Variants in KCNA1 observed in about 807,000 individuals in gnomAD.
KCNA1 encodes the protein potassium channel, voltage gated shaker related subfamily A, member 1.
KCNA1 carries 19 observed loss-of-function variants against 28.8 expected under a neutral mutation model. That is an observed-to-expected ratio of 0.66 (90% CI 0.46 to 0.97). The LOEUF is 0.97. KCNA1 is among the 50% of genes least tolerant of loss of function. The pLI is 0.00. For missense variants in KCNA1, 419 were observed against 659.7 expected, an observed-to-expected ratio of 0.64 and a Z score of 4.00; for synonymous variants, 311 against 268.8, an observed-to-expected ratio of 1.16 and a Z score of -1.53.
Position 4,914,187 on chromosome 12 carries a change from A to G in KCNA1, c.*1321A>G. The G allele has an allele frequency of 6.0e-6, 1 of 167,188 alleles. No homozygotes were observed. The allele number at this position is 167,188 out of a possible 1,614,324, so 10.4% of individuals were successfully genotyped here. On this transcript the variant is annotated 3_prime_UTR_variant, in exon 2 of 2. Coordinates refer to ENST00000382545, the MANE Select transcript of KCNA1 (RefSeq NM_000217.3). ...TGCAGGTATAGGCGGAGAGAGGACC[A>G]ATATGCCCATCCCTTAAAGGGAAGC...
In KCNA1 at chr12:4,911,949, G is replaced by C; in HGVS notation, c.571G>C (p.Glu191Gln). 3 of 1,613,970 alleles carry C rather than the reference G, an allele frequency of 1.9e-6. No individual in the cohort carries two copies. The highest frequency in any genetic ancestry group is 2.5e-6 in the Non-Finnish European group (3 of 1,179,990). Residue 191 changes from glutamate (E) to glutamine (Q), a missense_variant, in exon 2 of 2, where the codon GAG becomes CAG. By Grantham distance (29) the Glu-to-Gln change is conservative. Around this residue, in one of 4 missense-constraint regions of KCNA1, gnomAD observed 217 missense variants for 329.6 expected, o/e 0.66. Coordinates refer to ENST00000382545, the MANE Select transcript of KCNA1 (RefSeq NM_000217.3). The surrounding 1 kb of genome is among the most constrained non-coding windows in gnomAD (Gnocchi z 6.6). ...CATCTTTTGCCTGGAGACGCTCCCC[G>C]AGCTGAAGGATGACAAGGACTTCAC... ...IVIFCLETLP[E>Q]LKDDKDFTGT...
At position 4,916,782 on chromosome 12, in the gene KCNA1, A is replaced by G. The variant is rs561340259; in HGVS notation, c.*3916A>G. The G allele has an allele frequency of 6.0e-6, 1 of 167,158 alleles. No homozygotes were observed. The highest frequency in any genetic ancestry group is 2.4e-5 in the African/African-American group (1 of 41,568). The allele number at this position is 167,158 out of a possible 1,614,324, so 10.4% of individuals were successfully genotyped here. ...ATTTGCTTGAGAATTAAAAAAATAC[A>G]TGTAAATGGTAAATGAGGAATACAT... is the stretch of plus-strand genomic sequence containing the variant. On this transcript the variant is annotated 3_prime_UTR_variant, in exon 2 of 2. Transcript: ENST00000382545.
Position 4,912,648 on chromosome 12 carries a change from C to T in KCNA1, c.1270C>T (p.Gln424Ter). The stretch of plus-strand genomic sequence containing the variant: ...CCACCGAGAAACTGAGGGGGAAGAG[C>T]AGGCTCAGTTGCTCCACGTCAGTTC... ...FYHRETEGEE[Q>*]AQLLHVSSPN... Residue 424 changes from glutamine (Q) to a stop codon, truncating the protein, a stop_gained, in exon 2 of 2, where the codon CAG becomes TAG. Coordinates refer to ENST00000382545, the MANE Select transcript of KCNA1 (RefSeq NM_000217.3). LOFTEE classifies it high-confidence loss of function. The T allele has an allele frequency of 6.2e-7, 1 of 1,613,182 alleles. No homozygotes were observed. The highest frequency in any genetic ancestry group is 8.5e-7 in the Non-Finnish European group (1 of 1,179,974).
rs765825652 is a variant in KCNA1 at position 4,912,161 on chromosome 12, C to T, written c.783C>T (p.Ala261=). 4 of 1,613,642 alleles carry T rather than the reference C, an allele frequency of 2.5e-6. No homozygotes were observed. In the Admixed American group the frequency reaches 6.7e-5, roughly 27 times the overall value. ...KNIMNFIDIV[A]IIPYFITLGT... ...TCATGAACTTCATAGACATTGTGGC[C>T]ATCATTCCTTATTTCATCACGCTGG... Residue 261 remains alanine, a synonymous_variant, in exon 2 of 2, where the codon GCC becomes GCT. Transcript: ENST00000382545.
chr12:4,912,022 A>G lies in KCNA1; in HGVS notation c.644A>G (p.Asn215Ser), dbSNP rs762016621. 3 of 1,614,104 alleles carry G rather than the reference A, an allele frequency of 1.9e-6. No individual in the cohort carries two copies. Among genetic ancestry groups the G allele is most frequent in the South Asian group, 1.1e-5 (1 of 91,062 alleles). ...IDNTTVIYNS[N>S]IFTDPFFIVE... ...AACACCACGGTCATCTACAATTCCA[A>G]CATCTTCACAGACCCCTTCTTCATC... The change falls in exon 2 of 2, where the codon AAC becomes AGC. Residue 215 changes from asparagine to serine, a missense_variant. Asn to Ser is a conservative substitution (Grantham distance 46). This residue lies in a region of KCNA1 where 217 missense variants were observed against 329.6 expected (regional missense o/e 0.66). Coordinates refer to ENST00000382545, the MANE Select transcript of KCNA1 (RefSeq NM_000217.3).
chr12:4,913,271 T>G lies in KCNA1; in HGVS notation c.*405T>G. 1 of 277,226 alleles carries G rather than the reference T, an allele frequency of 3.6e-6. No homozygotes were observed. Among genetic ancestry groups the G allele is most frequent in the Non-Finnish European group, 7.4e-6 (1 of 135,682 alleles). The allele number at this position is 277,226 out of a possible 1,614,324, so 17.2% of individuals were successfully genotyped here. On this transcript the variant is annotated 3_prime_UTR_variant, in exon 2 of 2. Coordinates refer to ENST00000382545, the MANE Select transcript of KCNA1 (RefSeq NM_000217.3). ...TCACTTAGAAATATGAAATTGAAATTCGCATGGGACTCCAGTAAAACATCT... is the reference window on the plus strand; with the variant it reads ...TCACTTAGAAATATGAAATTGAAATGCGCATGGGACTCCAGTAAAACATCT...
chr12:4,910,641 T>C lies in KCNA1; in HGVS notation c.-540+169T>C, dbSNP rs1947344151. ...TTGTAAACAGATCGGCTGTTGGGCA[T>C]TGGGGAAAGTGGGATGGAAGAGCCC... On this transcript the variant is annotated intron_variant, in intron 1 of 1. Transcript: ENST00000382545. The surrounding 1 kb of genome is among the most constrained non-coding windows in gnomAD (Gnocchi z 4.9). Among the ~76,000 whole-genome samples the C allele has an allele frequency of 6.6e-6, 1 of 152,134 alleles. No individual in the cohort carries two copies. Among genetic ancestry groups the C allele is most frequent in the South Asian group, 2.1e-4 (1 of 4,828 alleles).
At position 4,909,928 on chromosome 12, in the gene KCNA1, CG is replaced by C. The variant is rs1277167184; in HGVS notation, c.-1083del. ...CCAGAAATGGACCGAGCGGACCCGC[CG>C]CCGCACGCACCCTGCTCCACTCCAA... On this transcript the variant is annotated 5_prime_UTR_variant, in exon 1 of 2. It removes the in-frame stop codon of an upstream open reading frame in the 5' UTR. Coordinates refer to ENST00000382545, the MANE Select transcript of KCNA1 (RefSeq NM_000217.3). 6.5e-6 allele frequency: 1 copy of C among 152,788 alleles called. No individual in the cohort carries two copies. Among genetic ancestry groups the C allele is most frequent in the Admixed American group, 6.5e-5 (1 of 15,294 alleles). The allele number at this position is 152,788 out of a possible 1,614,324, so 9.5% of individuals were successfully genotyped here.
At position 4,911,250 on chromosome 12, in the gene KCNA1, T is replaced by G; in HGVS notation, c.-129T>G. The G allele has an allele frequency of 1.5e-6, 1 of 673,990 alleles. No homozygotes were observed. Among genetic ancestry groups the G allele is most frequent in the Non-Finnish European group, 2.5e-6 (1 of 396,418 alleles). The allele number at this position is 673,990 out of a possible 1,614,324, so 41.8% of individuals were successfully genotyped here. On this transcript the variant is annotated 5_prime_UTR_variant, in exon 2 of 2. Coordinates refer to ENST00000382545, the MANE Select transcript of KCNA1 (RefSeq NM_000217.3). This position sits in a 1 kb window ranked among gnomAD's most constrained non-coding sequence, Gnocchi z 6.6. ...CCCGACCTGCTCGTGTTGAAGCACC[T>G]CCCCCTGGGCGTGAGGGAGACGCGC...
At position 4,915,600 on chromosome 12, in the gene KCNA1, G is replaced by A. The variant is rs115244229; in HGVS notation, c.*2734G>A. ...CCCTCCCATGTGATGTCTCCTTCTCGTCTGAACCTTAACTCATTCTGGCGA... is the reference window on the plus strand; with the variant it reads ...CCCTCCCATGTGATGTCTCCTTCTCATCTGAACCTTAACTCATTCTGGCGA... On this transcript the variant is annotated 3_prime_UTR_variant, in exon 2 of 2. Coordinates refer to ENST00000382545, the MANE Select transcript of KCNA1 (RefSeq NM_000217.3). The A allele has an allele frequency of 1.4e-3, 239 of 167,158 alleles. No individual in the cohort carries two copies. The highest frequency in any genetic ancestry group is 5.1e-3 in the African/African-American group (211 of 41,542). The allele number at this position is 167,158 out of a possible 1,614,324, so 10.4% of individuals were successfully genotyped here. A position where few individuals can be genotyped will look rare whatever the true frequency, so the allele number is the denominator to read the frequency against.
At position 4,909,935 on chromosome 12, in the gene KCNA1, C is replaced by A. The variant is rs1286989078; in HGVS notation, c.-1077C>A. 6.5e-6 allele frequency: 1 copy of A among 152,794 alleles called. No homozygotes were observed. The highest frequency in any genetic ancestry group is 2.1e-4 in the South Asian group (1 of 4,840). 9.5% of individuals were successfully genotyped at this position (152,794 alleles called of 1,614,324 possible). A position where few individuals can be genotyped will look rare whatever the true frequency, so the allele number is the denominator to read the frequency against. Reference sequence around the variant, plus strand: ...TGGACCGAGCGGACCCGCCGCCGCACGCACCCTGCTCCACTCCAAGCTCCT... The same window carrying A: ...TGGACCGAGCGGACCCGCCGCCGCAAGCACCCTGCTCCACTCCAAGCTCCT... On this transcript the variant is annotated 5_prime_UTR_variant, in exon 1 of 2. Transcript: ENST00000382545.
chr12:4,911,104 C>T lies in KCNA1; in HGVS notation c.-275C>T, dbSNP rs538396272. On this transcript the variant is annotated 5_prime_UTR_variant, in exon 2 of 2. Transcript: ENST00000382545. This position sits in a 1 kb window ranked among gnomAD's most constrained non-coding sequence, Gnocchi z 6.6. ...ACAACAACAACAGAAAACCAACAAACCCCCAAACCCAAACCCAACCCTCTG... is the reference window on the plus strand; with the variant it reads ...ACAACAACAACAGAAAACCAACAAATCCCCAAACCCAAACCCAACCCTCTG... 4.0e-5 allele frequency: 23 copies of T among 569,738 alleles called. No homozygotes were observed. Among genetic ancestry groups the T allele is most frequent in the African/African-American group, 3.8e-4 (20 of 53,296 alleles). 35.3% of individuals were successfully genotyped at this position (569,738 alleles called of 1,614,324 possible).
chr12:4,913,091 A>G lies in KCNA1; in HGVS notation c.*225A>G. On this transcript the variant is annotated 3_prime_UTR_variant, in exon 2 of 2. Coordinates refer to ENST00000382545, the MANE Select transcript of KCNA1 (RefSeq NM_000217.3). The stretch of plus-strand genomic sequence containing the variant: ...AAATAAACTATTTTCCTTTTATTAA[A>G]AAATGGGAAAAGAGAGAGTATTTTC... The G allele has an allele frequency of 1.8e-6, 1 of 564,264 alleles. No individual in the cohort carries two copies. Among genetic ancestry groups the G allele is most frequent in the Non-Finnish European group, 3.2e-6 (1 of 309,174 alleles). 35.0% of individuals were successfully genotyped at this position (564,264 alleles called of 1,614,324 possible).
rs1166033590 is a variant in KCNA1, at chr12:4,911,667, C to A, written c.289C>A (p.Gln97Lys). The A allele has an allele frequency of 6.2e-7, 1 of 1,614,190 alleles. No homozygotes were observed. ...PSFDAILYYY[Q>K]SGGRLRRPVN... ...CTTCGACGCCATCCTCTACTACTACCAGTCCGGCGGCCGCCTGCGGAGGCC... is the reference window on the plus strand; with the variant it reads ...CTTCGACGCCATCCTCTACTACTACAAGTCCGGCGGCCGCCTGCGGAGGCC... Residue 97 changes from glutamine to lysine, a missense_variant, in exon 2 of 2, where the codon CAG (glutamine) becomes AAG (lysine). Physicochemically the swap from Gln to Lys is moderately conservative, Grantham distance 53 (BLOSUM62 1). Coordinates refer to ENST00000382545, the MANE Select transcript of KCNA1 (RefSeq NM_000217.3). This position sits in a 1 kb window ranked among gnomAD's most constrained non-coding sequence, Gnocchi z 6.6.
chr12:4,912,635 TGAGGGGGAA>T lies in KCNA1; in HGVS notation c.1261_1269del (p.Gly421_Glu423del), dbSNP rs771334337. On this transcript the variant is annotated inframe_deletion, in exon 2 of 2. Transcript: ENST00000382545. ...TCAACTATTTCTACCACCGAGAAAC[TGAGGGGGAA>T]GAGCAGGCTCAGTTGCTCCACGTCA... 1 of 1,611,248 alleles carries T rather than the reference TGAGGGGGAA, an allele frequency of 6.2e-7. No individual in the cohort carries two copies. Among genetic ancestry groups the T allele is most frequent in the Non-Finnish European group, 8.5e-7 (1 of 1,179,506 alleles).
Position 4,915,709 on chromosome 12 carries a change from T to C in KCNA1, c.*2843T>C, listed in dbSNP as rs1947381063. The C allele has an allele frequency of 6.0e-6, 1 of 167,118 alleles. No homozygotes were observed. Among genetic ancestry groups the C allele is most frequent in the Non-Finnish European group, 1.5e-5 (1 of 68,128 alleles). The allele number at this position is 167,118 out of a possible 1,614,324, so 10.4% of individuals were successfully genotyped here. A position where few individuals can be genotyped will look rare whatever the true frequency, so the allele number is the denominator to read the frequency against. ...GGCTTGGGGTTATCTTGATCTTTCA[T>C]TTCAACGTTGAGGTCTAGTGCACAC... is the stretch of plus-strand genomic sequence containing the variant. On this transcript the variant is annotated 3_prime_UTR_variant, in exon 2 of 2. Transcript: ENST00000382545.
chr12:4,911,251 C>G lies in KCNA1; in HGVS notation c.-128C>G. ...CCGACCTGCTCGTGTTGAAGCACCT[C>G]CCCCTGGGCGTGAGGGAGACGCGCG... On this transcript the variant is annotated 5_prime_UTR_variant, in exon 2 of 2. Coordinates refer to ENST00000382545, the MANE Select transcript of KCNA1 (RefSeq NM_000217.3). The surrounding 1 kb of genome is among the most constrained non-coding windows in gnomAD (Gnocchi z 6.6). 1 of 681,594 alleles carries G rather than the reference C, an allele frequency of 1.5e-6. No individual in the cohort carries two copies. The highest frequency in any genetic ancestry group is 2.5e-6 in the Non-Finnish European group (1 of 401,540). 42.2% of individuals were successfully genotyped at this position (681,594 alleles called of 1,614,324 possible).
rs1052647284 is a variant in KCNA1, at chr12:4,915,875, G to C, written c.*3009G>C. The C allele has an allele frequency of 6.0e-6, 1 of 167,158 alleles. No individual in the cohort carries two copies. The highest frequency in any genetic ancestry group is 1.5e-5 in the Non-Finnish European group (1 of 68,160). The allele number at this position is 167,158 out of a possible 1,614,324, so 10.4% of individuals were successfully genotyped here. ...ACCGTGGTTACACTCTGGACTGGTT[G>C]ATTCTTCTGCATGTGATATAGAAAA... On this transcript the variant is annotated 3_prime_UTR_variant, in exon 2 of 2. Transcript: ENST00000382545.
chr12:4,910,256 A>G lies in KCNA1; in HGVS notation c.-756A>G, dbSNP rs1230782941. 6.6e-6 allele frequency: 1 copy of G among 152,240 alleles called. No individual in the cohort carries two copies. The highest frequency in any genetic ancestry group is 2.4e-5 in the African/African-American group (1 of 41,456). The allele number at this position is 152,240 out of a possible 1,614,324, so 9.4% of individuals were successfully genotyped here. On this transcript the variant is annotated 5_prime_UTR_variant, in exon 1 of 2. Coordinates refer to ENST00000382545, the MANE Select transcript of KCNA1 (RefSeq NM_000217.3). This position sits in a 1 kb window ranked among gnomAD's most constrained non-coding sequence, Gnocchi z 4.9. ...CAACCGGTGAGAATGGGGGTAGGGA[A>G]GGAACATTTTCGCCGTAGCTGCTCC...
Sources: allele counts gnomAD v4.1 joint callset (sites outside exome capture counted in the v4.1 genomes callset), GRCh38; gene constraint gnomAD v4.1.1; regional missense constraint gnomAD v4.1.1; non-coding constraint Gnocchi (gnomAD v3.1); transcripts MANE v1.5; gene names NCBI Gene and HGNC (gene_info 2026-07-23, HGNC 2026-07-21).